Variants in PTPN4 observed in about 807,000 individuals in gnomAD.
PTPN4 encodes tyrosine-protein phosphatase non-receptor type 4.
PTPN4 carries 49 observed loss-of-function variants against 135.5 expected under a neutral mutation model. That is an observed-to-expected ratio of 0.36 (90% confidence interval 0.29 to 0.46). The LOEUF is 0.46. PTPN4 is among the 20% of genes least tolerant of loss of function. The pLI is 1.00. For missense variants in PTPN4, 860 were observed against 1,101.0 expected, an observed-to-expected ratio of 0.78 and a Z score of 3.10; for synonymous variants, 333 against 369.9, an observed-to-expected ratio of 0.90 and a Z score of 1.14.
chr2:119,845,851 T>G (rs1485954565), intron 2 of PTPN4, among the ~76,000 whole-genome samples: 3 of 152,218 alleles, frequency 2.0e-5, no homozygotes, highest in Non-Finnish European at 4.4e-5. Flanking sequence ...TTTCTCCAGT[T>G]TACCTGCATC....
intron 2 of PTPN4, among the ~76,000 whole-genome samples, chr2:119,853,680 T>C (rs1367344019): frequency 4.6e-5 from 7 of 152,212 alleles, no homozygotes; most frequent in Non-Finnish European, 1.5e-5. Flanking sequence ...CAAATAGGTA[T>C]AATTTTTGCT....
intron 2 of PTPN4, among the ~76,000 whole-genome samples, chr2:119,829,965 A>G (rs1574356746): frequency 6.6e-6 from 1 of 151,944 alleles, no homozygotes; most frequent in East Asian, 1.9e-4. Flanking sequence ...TATACATATC[A>G]TTACCAACAC....
At chr2:119,936,254 G>C (rs1195669837) in intron 15 of PTPN4, among the ~76,000 whole-genome samples, 2 of 152,064 alleles carry the variant, frequency 1.3e-5, no homozygotes, top group Non-Finnish European at 1.5e-5. Context: ...CGCCCACCTC[G>C]GCCTCCCAAA....
Position 119,952,023 on chromosome 2 carries a change from C to A in PTPN4, c.1707C>A (p.Ile569=). The A allele has an allele frequency of 6.2e-7, 1 of 1,613,174 alleles. No individual in the cohort carries two copies. Among genetic ancestry groups the A allele is most frequent in the South Asian group, 1.1e-5 (1 of 91,000 alleles). Reference sequence around the variant, plus strand: ...ATGAAGGGGACCAAGTTGTACTGATCAATGGTCGGGACATTGCAGAACACA... The same window carrying A: ...ATGAAGGGGACCAAGTTGTACTGATAAATGGTCGGGACATTGCAGAACACA... ...RLNEGDQVVL[I]NGRDIAEHTH... Residue 569 remains isoleucine, a synonymous_variant, in exon 19 of 27, where the codon ATC becomes ATA. Coordinates refer to ENST00000263708, the MANE Select transcript of PTPN4 (RefSeq NM_002830.4).
rs561842528 is a variant in PTPN4 at position 119,858,794 on chromosome 2, G to A, written c.139-3742G>A. ...ACTACAGGCACGTGCCACCATGCCC[G>A]GCTAATTTTTTATATTTTTTTAGTA... On this transcript the variant is annotated intron_variant, in intron 2 of 26. Transcript: ENST00000263708. Among the ~76,000 whole-genome samples the A allele has an allele frequency of 6.2e-4, 94 of 151,872 alleles. 1 individual carries two copies. Among genetic ancestry groups the A allele is most frequent in the South Asian group, 2.3e-3 (11 of 4,806 alleles).
intron 18 of PTPN4, 144 bp from the exon 19 acceptor site, chr2:119,951,829 A>C: frequency 1.5e-6 from 1 of 660,464 alleles, no homozygotes; most frequent in Non-Finnish European, 2.2e-6. Flanking sequence ...AGATTTCTAC[A>C]TTTTTTAAAT....
chr2:119,782,397 C>T (rs1469648277), intron 1 of PTPN4, among the ~76,000 whole-genome samples: 4 of 151,624 alleles, frequency 2.6e-5, no homozygotes, highest in Non-Finnish European at 4.4e-5. Context: ...CTAGCCTGGG[C>T]GACAGAGCGA....
chr2:119,869,378 G>T (rs1480793886), intron 3 of PTPN4, among the ~76,000 whole-genome samples: 1 of 152,158 alleles, frequency 6.6e-6, no homozygotes, highest in South Asian at 2.1e-4. Flanking sequence ...AACCTGGCTG[G>T]ACCCACAGTC....
chr2:119,908,075 A>G (rs1272068464), intron 10 of PTPN4, among the ~76,000 whole-genome samples: 1 of 152,192 alleles, frequency 6.6e-6, no homozygotes, highest in Non-Finnish European at 1.5e-5. Flanking sequence ...AAGTACAGGC[A>G]ACAGAAAGAA....
rs1482832651 is a variant in PTPN4 at position 119,978,022 on chromosome 2, A to G, written c.*952A>G. 6.6e-6 allele frequency: 1 copy of G among 152,236 alleles called. No homozygotes were observed. The highest frequency in any genetic ancestry group is 2.4e-5 in the African/African-American group (1 of 41,464). The allele number at this position is 152,236 out of a possible 1,614,324, so 9.4% of individuals were successfully genotyped here. ...TCTTACTCAGTACTCGTGATTTGCT[A>G]TAAGAAGCAAAGATAATTTGTGTTC... On this transcript the variant is annotated 3_prime_UTR_variant, in exon 27 of 27. Coordinates refer to ENST00000263708, the MANE Select transcript of PTPN4 (RefSeq NM_002830.4).
intron 12 of PTPN4, among the ~76,000 whole-genome samples, chr2:119,925,075 C>T (rs923892195): frequency 1.3e-5 from 2 of 152,100 alleles, no homozygotes; most frequent in South Asian, 4.1e-4. Context: ...CTGACTGATA[C>T]ATTAATTTTC....
At chr2:119,846,802 A>G (rs949471524) in intron 2 of PTPN4, among the ~76,000 whole-genome samples, 10 of 151,486 alleles carry the variant, frequency 6.6e-5, no homozygotes, top group African/African-American at 2.4e-4. Context: ...AACCAGATAC[A>G]TCTTAACTTA....
intron 5 of PTPN4, among the ~76,000 whole-genome samples, chr2:119,879,690 C>A (rs1678042594): frequency 6.6e-6 from 1 of 152,130 alleles, no homozygotes; most frequent in South Asian, 2.1e-4. Flanking sequence ...CTTGAGTAGC[C>A]TTAATGTGAT....
At chr2:119,800,193 T>A (rs1403542233) in intron 1 of PTPN4, among the ~76,000 whole-genome samples, 1 of 152,196 alleles carries the variant, frequency 6.6e-6, no homozygotes, top group Non-Finnish European at 1.5e-5. Context: ...AGTAAGATAT[T>A]TGAATTGTAT....
At chr2:119,955,744 T>C (rs1185864035) in intron 20 of PTPN4, among the ~76,000 whole-genome samples, 1 of 152,044 alleles carries the variant, frequency 6.6e-6, no homozygotes, top group Non-Finnish European at 1.5e-5. Context: ...AAGACAATCC[T>C]GGCCAACACG....
intron 18 of PTPN4, among the ~76,000 whole-genome samples, chr2:119,950,332 C>G (rs924916727): frequency 2.6e-5 from 4 of 152,190 alleles, no homozygotes; most frequent in Non-Finnish European, 5.9e-5. Context: ...ATCTACTTCA[C>G]TACATAAGTA....
At chr2:119,845,005 C>A (rs1261836042) in intron 2 of PTPN4, among the ~76,000 whole-genome samples, 1 of 149,802 alleles carries the variant, frequency 6.7e-6, no homozygotes, top group Non-Finnish European at 1.5e-5. Context: ...AATCCCGGCA[C>A]CTCGGGAGGC....
chr2:119,904,387 C>T (rs3111725), intron 10 of PTPN4, among the ~76,000 whole-genome samples: 9,828 of 152,012 alleles, frequency 0.065, 854 homozygotes, highest in African/African-American at 0.2. Flanking sequence ...CTAAAAAAGC[C>T]TGAATGACAA....
At chr2:119,952,151 A>C (rs1477929236) in intron 19 of PTPN4, 22 bp downstream of exon 19, 1 of 1,591,108 alleles carries the variant, frequency 6.3e-7, no homozygotes, top group Admixed American at 1.7e-5. Flanking sequence ...ATGTAGTACC[A>C]GATAATTTAT....
Sources: gnomAD v4.1 joint callset for allele counts (sites outside exome capture counted in the v4.1 genomes callset) on GRCh38, gnomAD v4.1.1 for gene constraint, MANE v1.5 for transcripts, NCBI Gene and HGNC (gene_info 2026-07-23, HGNC 2026-07-21) for gene names.